The following TOP1 variants were observed in gnomAD, a reference collection of about 807,000 sequenced individuals.
The protein encoded by TOP1 is DNA topoisomerase 1.
A neutral mutation model predicts 111.1 loss-of-function variants in TOP1; 10 were observed. The observed-to-expected ratio is 0.09, with a 90% CI of 0.06 to 0.15. The LOEUF (loss-of-function observed/expected upper bound fraction) is 0.15, where lower values mean the gene tolerates loss of function less well. Among genes scored for constraint, TOP1 ranks in the 10% least tolerant of loss-of-function variants. TOP1 has a pLI of 1.00. For synonymous variants in TOP1, 271 were observed against 302.9 expected, an observed-to-expected ratio of 0.89 and a Z score of 1.10; for missense variants, 474 against 926.7, an observed-to-expected ratio of 0.51 and a Z score of 6.34.
At chr20:41,036,665 A>G (rs2033189538) in intron 2 of TOP1, among the ~76,000 whole-genome samples, 2 of 148,672 alleles carry the variant, frequency 1.3e-5, no homozygotes, top group African/African-American at 4.9e-5. Flanking sequence ...ACATTTACAC[A>G]GTGAATTGTA....
In TOP1 at chr20:41,116,450, T is replaced by C; in HGVS notation, c.1822+58T>C. On this transcript the variant is annotated intron_variant, in intron 17 of 20. Coordinates refer to ENST00000361337, the MANE Select transcript of TOP1 (RefSeq NM_003286.4). The surrounding 1 kb of genome is among the most constrained non-coding windows in gnomAD (Gnocchi z 5.6). Reference sequence around the variant, plus strand: ...CCCTACTAATGGTATCCGGTGACCTTGCTTATCTAAGGCCTAGAGTCAGTT... The same window carrying C: ...CCCTACTAATGGTATCCGGTGACCTCGCTTATCTAAGGCCTAGAGTCAGTT... 7.2e-7 allele frequency: 1 copy of C among 1,394,904 alleles called. No homozygotes were observed. The highest frequency in any genetic ancestry group is 1.0e-6 in the Non-Finnish European group (1 of 984,274). 86.4% of individuals were successfully genotyped at this position (1,394,904 alleles called of 1,614,324 possible). A position where few individuals can be genotyped will look rare whatever the true frequency, so the allele number is the denominator to read the frequency against.
At position 41,084,548 on chromosome 20, in the gene TOP1, A is replaced by G. The variant is rs61756256; in HGVS notation, c.594A>G (p.Glu198=). 3,610 of 1,570,354 alleles carry G rather than the reference A, an allele frequency of 2.3e-3. 6 individuals carry two copies. Among genetic ancestry groups the G allele is most frequent in the Non-Finnish European group, 2.6e-3 (2,954 of 1,156,066 alleles). ...PDNKKKKPKK[E]EEQKWKWWEE... Reference sequence around the variant, plus strand: ...ACAAGAAAAAGAAGCCGAAGAAAGAAGAGGAACAGAAGTGGAAATGGTAAC... The same window carrying G: ...ACAAGAAAAAGAAGCCGAAGAAAGAGGAGGAACAGAAGTGGAAATGGTAAC... Residue 198 remains glutamate (E), a synonymous_variant, in exon 8 of 21, where the codon GAA becomes GAG. Coordinates refer to ENST00000361337, the MANE Select transcript of TOP1 (RefSeq NM_003286.4).
intron 2 of TOP1, among the ~76,000 whole-genome samples, chr20:41,056,194 C>T (rs144366583): frequency 6.6e-6 from 1 of 152,282 alleles, no homozygotes; most frequent in East Asian, 1.9e-4. Flanking sequence ...TGTCAGTTTA[C>T]CTACTGCAGA....
chr20:41,053,360 T>A (rs1184055883), intron 2 of TOP1, among the ~76,000 whole-genome samples: 1 of 152,228 alleles, frequency 6.6e-6, no homozygotes. Context: ...TATTTCATCT[T>A]GTTCGCTGGT....
chr20:41,038,046 A>G (rs1056141109), intron 2 of TOP1, among the ~76,000 whole-genome samples: 2 of 152,240 alleles, frequency 1.3e-5, no homozygotes, highest in African/African-American at 4.8e-5. Context: ...CTGTAGCTCC[A>G]TTGCCCTCAG....
intron 2 of TOP1, among the ~76,000 whole-genome samples, chr20:41,057,668 AT>A (rs1316840133): frequency 2.0e-5 from 3 of 152,186 alleles, no homozygotes; most frequent in Non-Finnish European, 4.4e-5. Flanking sequence ...TGCTTTTAAT[AT>A]TTTGATGTCT....
At chr20:41,035,213 T>A (rs1464477336) in intron 2 of TOP1, among the ~76,000 whole-genome samples, 3 of 152,170 alleles carry the variant, frequency 2.0e-5, no homozygotes, top group Non-Finnish European at 2.9e-5. Flanking sequence ...GTATTCATTT[T>A]TCATTTGTTG....
rs2033538657 is a variant in TOP1 at position 41,061,067 on chromosome 20, A to ACT, written c.59-326_59-325dup. Among the ~76,000 whole-genome samples the ACT allele has an allele frequency of 6.6e-6, 1 of 152,194 alleles. No homozygotes were observed. The highest frequency in any genetic ancestry group is 2.4e-5 in the African/African-American group (1 of 41,452). On this transcript the variant is annotated intron_variant, in intron 2 of 20. Transcript: ENST00000361337. The surrounding 1 kb of genome is among the most constrained non-coding windows in gnomAD (Gnocchi z 4.6). ...CTGATCTTTAGAGTCAGTGTTCAATACTATCCCTTTGTTATCATTTATAGG... is the reference window on the plus strand; with the variant it reads ...CTGATCTTTAGAGTCAGTGTTCAATACTCTATCCCTTTGTTATCATTTATAGG...
intron 11 of TOP1, among the ~76,000 whole-genome samples, chr20:41,099,808 T>C (rs1420030408): frequency 6.6e-6 from 1 of 152,216 alleles, no homozygotes; most frequent in Non-Finnish European, 1.5e-5. Flanking sequence ...TACAAACATA[T>C]ATCCTTTAAG....
rs1177789219 is a variant in TOP1, at chr20:41,061,880, T to G, written c.155+390T>G. ...TTTCTATATTTTAAAGAGTTTACATTAAAAATTCTTAACTTGGGCTTCCAT... is the reference window on the plus strand; with the variant it reads ...TTTCTATATTTTAAAGAGTTTACATGAAAAATTCTTAACTTGGGCTTCCAT... On this transcript the variant is annotated intron_variant, in intron 3 of 20. Transcript: ENST00000361337. This position sits in a 1 kb window ranked among gnomAD's most constrained non-coding sequence, Gnocchi z 4.6. 6.6e-6 allele frequency among the ~76,000 whole-genome samples: 1 copy of G among 152,188 alleles called. No homozygotes were observed. The highest frequency in any genetic ancestry group is 2.4e-5 in the African/African-American group (1 of 41,444).
In TOP1 at chr20:41,082,552, T is replaced by C. The variant is rs990811952; in HGVS notation, c.507+1312T>C. ...ACCTCCCCTGGGACTTTGCTGATGC[T>C]CTAATTCTGCAAGGAGGGAGAAGAA... On this transcript the variant is annotated intron_variant, in intron 7 of 20. Transcript: ENST00000361337. The surrounding 1 kb of genome is among the most constrained non-coding windows in gnomAD (Gnocchi z 4.1). 1.3e-5 allele frequency among the ~76,000 whole-genome samples: 2 copies of C among 152,192 alleles called. No individual in the cohort carries two copies. The highest frequency in any genetic ancestry group is 4.8e-5 in the African/African-American group (2 of 41,442).
intron 8 of TOP1, among the ~76,000 whole-genome samples, chr20:41,089,017 G>GTTTTTTTTTTTTTTTT (rs1290740653): frequency 1.4e-4 from 10 of 69,254 alleles, no homozygotes; most frequent in East Asian, 7.6e-4. Flanking sequence ...TGTTGCCCCA[G>GTTTTTTTTTTTTTTTT]TTCTTTTTTT....
rs902986028 is a variant in TOP1 at position 41,106,695 on chromosome 20, TTCC to T, written c.1308+5344_1308+5346del. On this transcript the variant is annotated intron_variant, in intron 13 of 20. Coordinates refer to ENST00000361337, the MANE Select transcript of TOP1 (RefSeq NM_003286.4). This position sits in a 1 kb window ranked among gnomAD's most constrained non-coding sequence, Gnocchi z 4.3. ...TTTTCCATTATGTTTCTGTTGGTTA[TTCC>T]TGAAGTGGTAATGCTTATAATTTTG... is the stretch of plus-strand genomic sequence containing the variant. Among the ~76,000 whole-genome samples, 1 of 152,194 alleles carries T rather than the reference TTCC, an allele frequency of 6.6e-6. No homozygotes were observed.
At chr20:41,085,856 C>T (rs138997614) in intron 8 of TOP1, among the ~76,000 whole-genome samples, 17 of 152,306 alleles carry the variant, frequency 1.1e-4, no homozygotes, top group Admixed American at 8.5e-4. Flanking sequence ...TGTGGCCACA[C>T]GGTGACAGCT....
chr20:41,098,529 T>G lies in TOP1; in HGVS notation c.975+192T>G, dbSNP rs375772583. 20 of 584,170 alleles carry G rather than the reference T, an allele frequency of 3.4e-5. No individual in the cohort carries two copies. Among genetic ancestry groups the G allele is most frequent in the East Asian group, 2.0e-4 (6 of 30,588 alleles). The allele number at this position is 584,170 out of a possible 1,614,324, so 36.2% of individuals were successfully genotyped here. ...GACTGAAAATTGTGAACAAGTACTT[T>G]GCTCAGTAGCTCTGTACAGGAATCT... On this transcript the variant is annotated intron_variant, in intron 11 of 20. Coordinates refer to ENST00000361337, the MANE Select transcript of TOP1 (RefSeq NM_003286.4). The surrounding 1 kb of genome is among the most constrained non-coding windows in gnomAD (Gnocchi z 5.7).
rs949286841 is a variant in TOP1, at chr20:41,101,853, C to G, written c.1308+500C>G. 6.6e-6 allele frequency among the ~76,000 whole-genome samples: 1 copy of G among 152,172 alleles called. No homozygotes were observed. Among genetic ancestry groups the G allele is most frequent in the African/African-American group, 2.4e-5 (1 of 41,434 alleles). The stretch of plus-strand genomic sequence containing the variant: ...TGCAGTCTCATCTGGGTAGGTTCAC[C>G]AGGGCCAAATGAAATGTGTGTGAAA... On this transcript the variant is annotated intron_variant, in intron 13 of 20. Coordinates refer to ENST00000361337, the MANE Select transcript of TOP1 (RefSeq NM_003286.4). This position sits in a 1 kb window ranked among gnomAD's most constrained non-coding sequence, Gnocchi z 4.1.
intron 2 of TOP1, among the ~76,000 whole-genome samples, chr20:41,054,943 C>G (rs988549805): frequency 1.2e-4 from 19 of 152,102 alleles, no homozygotes; most frequent in African/African-American, 4.6e-4. Flanking sequence ...TCGGAAGCTT[C>G]TTTACTTAAA....
At chr20:41,048,492 A>T (rs184154646) in intron 2 of TOP1, among the ~76,000 whole-genome samples, 1 of 152,350 alleles carries the variant, frequency 6.6e-6, no homozygotes, top group Non-Finnish European at 1.5e-5. Context: ...GTAAGGGGTC[A>T]ATAAAGGTCA....
chr20:41,077,466 A>G (rs1408579743), intron 4 of TOP1, 116 bp from the exon 5 acceptor site: 4 of 833,056 alleles, frequency 4.8e-6, no homozygotes, highest in African/African-American at 1.7e-5. Context: ...TTTTGGTAAC[A>G]TAAGAGCCAG....
Sources: allele counts gnomAD v4.1 joint callset (sites outside exome capture counted in the v4.1 genomes callset), GRCh38; gene constraint gnomAD v4.1.1; non-coding constraint Gnocchi (gnomAD v3.1); transcripts MANE v1.5; gene names NCBI Gene and HGNC (gene_info 2026-07-23, HGNC 2026-07-21).